Variants in MTMR7 observed in about 807,000 individuals in gnomAD.
MTMR7 encodes myotubularin related protein 7.
MTMR7 carries 76 observed loss-of-function variants against 81.2 expected under a neutral mutation model. The observed-to-expected ratio is 0.94, with a 90% CI of 0.78 to 1.13. The LOEUF (loss-of-function observed/expected upper bound fraction) is 1.13. MTMR7 is among the 50% of genes most tolerant of loss of function. MTMR7 has a pLI of 0.00. For synonymous variants in MTMR7, 372 were observed against 289.8 expected, an observed-to-expected ratio of 1.28 and a Z score of -2.88; for missense variants, 1,044 against 820.0, an observed-to-expected ratio of 1.27 and a Z score of -3.34.
At chr8:17,308,030 TATA>T (rs967360561) in intron 10 of MTMR7, among the ~76,000 whole-genome samples, 9 of 147,146 alleles carry the variant, frequency 6.1e-5, no homozygotes, top group Non-Finnish European at 1.0e-4. Context: ...TAAAACAAAG[TATA>T]ATAATAATAA....
intron 4 of MTMR7, among the ~76,000 whole-genome samples, chr8:17,358,761 G>C (rs977089553): frequency 6.6e-6 from 1 of 151,820 alleles, no homozygotes; most frequent in African/African-American, 2.4e-5. Flanking sequence ...AAACAATTAG[G>C]CCCTTTATGC....
At chr8:17,311,863 T>G (rs2150487407) in intron 8 of MTMR7, 1 of 583,934 alleles carries the variant, frequency 1.7e-6, no homozygotes, top group East Asian at 3.0e-5. Context: ...ACCACTCAAG[T>G]CACCTCCAAT....
intron 4 of MTMR7, among the ~76,000 whole-genome samples, chr8:17,359,918 G>C (rs767717701): frequency 6.6e-6 from 1 of 151,946 alleles, no homozygotes; most frequent in Non-Finnish European, 1.5e-5. Context: ...ACTTTGTGTA[G>C]GTGTTTTGAC....
intron 12 of MTMR7, among the ~76,000 whole-genome samples, chr8:17,303,074 T>TCA (rs1817233469): frequency 6.6e-6 from 1 of 152,098 alleles, no homozygotes; most frequent in South Asian, 2.1e-4. Flanking sequence ...AATGGTGTTA[T>TCA]CACAGAGTTA....
At chr8:17,386,729 C>G (rs1820954772) in intron 1 of MTMR7, among the ~76,000 whole-genome samples, 1 of 152,196 alleles carries the variant, frequency 6.6e-6, no homozygotes, top group South Asian at 2.1e-4. Context: ...GGAGCCCAAG[C>G]CAAGTATCAC....
intron 3 of MTMR7, 34 bp downstream of exon 3, chr8:17,371,003 G>C (rs778754579): frequency 3.1e-6 from 5 of 1,595,656 alleles, no homozygotes; most frequent in Non-Finnish European, 4.3e-6. Flanking sequence ...TTTAAGAGAG[G>C]TTCCATATTA....
rs1819864946 is a variant in MTMR7, at chr8:17,355,538, G to C, written c.468+5579C>G. Among the ~76,000 whole-genome samples, 7 of 151,372 alleles carry C rather than the reference G, an allele frequency of 4.6e-5. No homozygotes were observed. The South Asian group carries it at 1.5e-3, about 32-fold the overall frequency. ...TGGGATTTATACAGCGTCAAATTGG[G>C]ACAAAGTTTAGCAAACAGACCAGGA... On this transcript the variant is annotated intron_variant, in intron 4 of 13. Coordinates refer to ENST00000180173, the MANE Select transcript of MTMR7 (RefSeq NM_004686.5).
intron 1 of MTMR7, among the ~76,000 whole-genome samples, chr8:17,405,835 TACACACACACACACACACACACACACAC>T (rs36233628): frequency 4.1e-5 from 5 of 121,072 alleles, no homozygotes; most frequent in African/African-American, 1.3e-4. Context: ...CCCAAAACTA[TACACACACACACACACACACACACACAC>T]ACACACACAC....
At chr8:17,346,555 T>G (rs754423659) in intron 5 of MTMR7, among the ~76,000 whole-genome samples, 9 of 152,080 alleles carry the variant, frequency 5.9e-5, no homozygotes, top group Non-Finnish European at 1.3e-4. Context: ...AGAAGCTGCC[T>G]CTGAGGTCTA....
At chr8:17,315,370 A>T (rs1471645784) in intron 7 of MTMR7, among the ~76,000 whole-genome samples, 3 of 151,684 alleles carry the variant, frequency 2.0e-5, no homozygotes, top group Non-Finnish European at 4.4e-5. Context: ...GGGGCACAAG[A>T]ATGTTTAGGG....
At chr8:17,380,490 T>A (rs1386669706) in intron 1 of MTMR7, among the ~76,000 whole-genome samples, 1 of 151,886 alleles carries the variant, frequency 6.6e-6, no homozygotes, top group African/African-American at 2.4e-5. Flanking sequence ...ACCTTTCGGC[T>A]TCCCTGAGCC....
Position 17,311,576 on chromosome 8 carries a change from C to A in MTMR7, c.1036G>T (p.Ala346Ser), listed in dbSNP as rs140535945. The A allele has an allele frequency of 6.2e-7, 1 of 1,614,140 alleles. No homozygotes were observed. Among genetic ancestry groups the A allele is most frequent in the Non-Finnish European group, 8.5e-7 (1 of 1,180,008 alleles). ...VHCSDGWDRT[A>S]QVCSVASLLL... ...AGGCTTGCCACCGAGCACACCTGAG[C>A]GGTCCTGTCCCAGCCATCAGAACAG... Residue 346 changes from alanine to serine, a missense_variant, in exon 9 of 14, where the codon GCT becomes TCT. Coordinates refer to ENST00000180173, the MANE Select transcript of MTMR7 (RefSeq NM_004686.5).
At chr8:17,325,184 C>G (rs780439541) in intron 7 of MTMR7, among the ~76,000 whole-genome samples, 3 of 151,998 alleles carry the variant, frequency 2.0e-5, no homozygotes, top group Non-Finnish European at 4.4e-5. Context: ...ACCACTGGAG[C>G]TGGGTGTGTC....
intron 12 of MTMR7, among the ~76,000 whole-genome samples, chr8:17,302,648 C>T (rs546022179): frequency 4.4e-5 from 6 of 136,984 alleles, no homozygotes; most frequent in Non-Finnish European, 9.2e-5. Flanking sequence ...CTTAAACTTG[C>T]AGCTTTTATC....
At chr8:17,352,828 A>T (rs2150550941) in intron 4 of MTMR7, among the ~76,000 whole-genome samples, 1 of 152,194 alleles carries the variant, frequency 6.6e-6, no homozygotes, top group South Asian at 2.1e-4. Context: ...ATAAATTGAA[A>T]CCCTAGTGCA....
chr8:17,318,318 G>A (rs961655482), intron 7 of MTMR7, among the ~76,000 whole-genome samples: 2 of 152,070 alleles, frequency 1.3e-5, no homozygotes, highest in African/African-American at 2.4e-5. Context: ...CGCTTCCACA[G>A]TTCTGTGGAG....
In MTMR7 at chr8:17,361,177, G is replaced by A. The variant is rs1430328955; in HGVS notation, c.408C>T (p.Tyr136=). The change falls in exon 4 of 14, where the codon TAC becomes TAT. Residue 136 remains tyrosine, a synonymous_variant. Coordinates refer to ENST00000180173, the MANE Select transcript of MTMR7 (RefSeq NM_004686.5). ...AATGATTAGGGAGGCCCATCCGCGTGTATTCTTCACTAAGATCGATCAGCA... is the reference window on the plus strand; with the variant it reads ...AATGATTAGGGAGGCCCATCCGCGTATATTCTTCACTAAGATCGATCAGCA... The part of the protein sequence containing the change: ...GWVLIDLSEE[Y]TRMGLPNHYW... The A allele has an allele frequency of 1.9e-6, 3 of 1,614,036 alleles. No homozygotes were observed. The highest frequency in any genetic ancestry group is 2.7e-5 in the African/African-American group (2 of 74,912).
At chr8:17,300,341 C>G in intron 13 of MTMR7, 117 bp from the exon 14 acceptor site, 2 of 1,152,830 alleles carry the variant, frequency 1.7e-6, no homozygotes, top group Admixed American at 5.7e-5. Flanking sequence ...GAACATGTGA[C>G]TCAGAGGGAT....
chr8:17,337,890 TCTGGAAGTTCTCATGTGGGGCTAG>T (rs749001702), intron 6 of MTMR7, among the ~76,000 whole-genome samples: 46 of 152,178 alleles, frequency 3.0e-4, no homozygotes, highest in Non-Finnish European at 6.0e-4. Flanking sequence ...AACAGGCAGC[TCTGGAAGTTCTCATGTGGGGCTAG>T]CCTTGCTCAA....
Sources: gnomAD v4.1 joint callset for allele counts (sites outside exome capture counted in the v4.1 genomes callset) on GRCh38, gnomAD v4.1.1 for gene constraint, MANE v1.5 for transcripts, NCBI Gene and HGNC (gene_info 2026-07-23, HGNC 2026-07-21) for gene names.